RPE: variants seen among roughly 807,000 people sequenced by gnomAD.
RPE encodes the protein ribulose-phosphate 3-epimerase.
In RPE, 16 loss-of-function variants were observed where a neutral mutation model predicts 24.6. That is an observed-to-expected ratio of 0.65 (90% CI 0.44 to 0.99). The LOEUF is 0.99. Among genes scored for constraint, RPE ranks in the 50% least tolerant of loss-of-function variants. The pLI is 0.00. For synonymous variants in RPE, 93 were observed against 98.4 expected, an observed-to-expected ratio of 0.94 and a Z score of 0.33; for missense variants, 240 against 294.5, an observed-to-expected ratio of 0.81 and a Z score of 1.35.
At chr2:210,015,112 G>A (rs1009459346) in intron 2 of RPE, among the ~76,000 whole-genome samples, 1 of 152,054 alleles carries the variant, frequency 6.6e-6, no homozygotes, top group Non-Finnish European at 1.5e-5. Flanking sequence ...TGGCAGTTCC[G>A]TTCTTCTAGT....
At chr2:210,009,625 C>A (rs1199204413) in intron 1 of RPE, 32 bp from the exon 2 acceptor site, 2 of 1,613,560 alleles carry the variant, frequency 1.2e-6, no homozygotes, top group East Asian at 4.5e-5. Context: ...GAATTGAAAA[C>A]ATTTTCAGAG....
intron 2 of RPE, among the ~76,000 whole-genome samples, chr2:210,011,831 A>ATTTTTTTTT (rs56083964): frequency 1.6e-4 from 17 of 106,680 alleles, no homozygotes; most frequent in African/African-American, 2.5e-4. Flanking sequence ...ACAACCGGCT[A>ATTTTTTTTT]TTTTTTTTTT....
chr2:210,018,589 G>GTAAA (rs2093811929), intron 5 of RPE: 1 of 985,072 alleles, frequency 1.0e-6, no homozygotes. Context: ...CTTGACAGTA[G>GTAAA]TAAATACTTA....
chr2:210,016,470 T>C, intron 3 of RPE, 37 bp from the exon 4 acceptor site: 1 of 1,613,784 alleles, frequency 6.2e-7, no homozygotes, highest in Admixed American at 1.7e-5. Context: ...ACAGAAGTAA[T>C]TGTAAATGTG....
At chr2:210,015,241 C>T (rs2093754310) in intron 2 of RPE, among the ~76,000 whole-genome samples, 2 of 152,198 alleles carry the variant, frequency 1.3e-5, no homozygotes, top group African/African-American at 4.8e-5. Flanking sequence ...TATTTAAGAA[C>T]ATATCCATCC....
intron 2 of RPE, 66 bp downstream of exon 2, chr2:210,009,802 A>AT (rs368852541): frequency 9.4e-6 from 15 of 1,602,676 alleles, no homozygotes; most frequent in Non-Finnish European, 1.3e-5. Flanking sequence ...TGGATGGTTG[A>AT]TTTTAACTTC....
At position 210,020,634 on chromosome 2, in the gene RPE, C is replaced by G. The variant is rs914434953; in HGVS notation, c.*843C>G. ...TTCTGTTGAGAATTAAGAGCTAACA[C>G]TATATATGTAAAGTTTCCAGTACTA... is the stretch of plus-strand genomic sequence containing the variant. On this transcript the variant is annotated 3_prime_UTR_variant, in exon 6 of 6. Coordinates refer to ENST00000359429, the MANE Select transcript of RPE (RefSeq NM_199229.3). 6 of 166,736 alleles carry G rather than the reference C, an allele frequency of 3.6e-5. No homozygotes were observed. The highest frequency in any genetic ancestry group is 1.4e-4 in the African/African-American group (6 of 41,434). The allele number at this position is 166,736 out of a possible 1,614,324, so 10.3% of individuals were successfully genotyped here.
chr2:210,006,180 CTG>C (rs1382194923), intron 1 of RPE, among the ~76,000 whole-genome samples: 1 of 152,192 alleles, frequency 6.6e-6, no homozygotes, highest in East Asian at 1.9e-4. Flanking sequence ...AAGTTTCTCT[CTG>C]TTAAGTGAAA....
chr2:210,018,657 AT>A, intron 5 of RPE: 1 of 985,304 alleles, frequency 1.0e-6, no homozygotes, highest in South Asian at 4.7e-5. Context: ...CGCTTGTGGA[AT>A]TGCTTTGTAC....
intron 1 of RPE, among the ~76,000 whole-genome samples, chr2:210,007,882 A>G (rs2093650774): frequency 6.6e-6 from 1 of 152,226 alleles, no homozygotes. Flanking sequence ...TGTGAGTGTT[A>G]TTCCATTCTG....
intron 1 of RPE, among the ~76,000 whole-genome samples, chr2:210,006,666 A>C (rs900711178): frequency 6.6e-6 from 1 of 152,236 alleles, no homozygotes; most frequent in African/African-American, 2.4e-5. Context: ...CCCAGACTAC[A>C]CAGCAAATTA....
At chr2:210,012,992 C>G (rs1196423031) in intron 2 of RPE, among the ~76,000 whole-genome samples, 1 of 152,180 alleles carries the variant, frequency 6.6e-6, no homozygotes, top group African/African-American at 2.4e-5. Context: ...ATGAAAAGCT[C>G]ATTGATAGGG....
rs763950562 is a variant in RPE, at chr2:210,016,599, G to C, written c.435G>C (p.Pro145=). 3 of 1,614,234 alleles carry C rather than the reference G, an allele frequency of 1.9e-6. No homozygotes were observed. Among genetic ancestry groups the C allele is most frequent in the Non-Finnish European group, 2.5e-6 (3 of 1,180,046 alleles). The change falls in exon 4 of 6, where the codon CCG becomes CCC. Residue 145 remains proline, a synonymous_variant. Transcript: ENST00000359429. ...IDMALVMTVE[P]GFGGQKFMED... ...TGGCCTTGGTTATGACAGTGGAACC[G>C]GGGTTTGGAGGGCAGAAATTCATGG...
chr2:210,009,563 G>C, intron 1 of RPE, 94 bp from the exon 2 acceptor site: 1 of 1,495,612 alleles, frequency 6.7e-7, no homozygotes, highest in Non-Finnish European at 9.3e-7. Context: ...AAACATTGCA[G>C]ACAATCCCCT....
chr2:210,016,849 T>C (rs550481486), intron 4 of RPE, among the ~76,000 whole-genome samples: 1 of 152,286 alleles, frequency 6.6e-6, no homozygotes, highest in African/African-American at 2.4e-5. Context: ...ATCTTGAAAT[T>C]TTCTCTTTCT....
At chr2:210,016,133 T>C in intron 3 of RPE, 21 bp downstream of exon 3, 2 of 1,614,016 alleles carry the variant, frequency 1.2e-6, no homozygotes, top group Non-Finnish European at 1.7e-6. Flanking sequence ...GTGATGAGAG[T>C]GTTTTGTAAC....
intron 5 of RPE, chr2:210,018,639 C>T (rs1014082530): frequency 1.0e-6 from 1 of 985,274 alleles, no homozygotes; most frequent in East Asian, 1.1e-4. Context: ...AGCTCATATC[C>T]TTTTGATCGC....
Position 210,022,215 on chromosome 2 carries a change from C to T in RPE, c.*2424C>T, listed in dbSNP as rs2093869911. On this transcript the variant is annotated 3_prime_UTR_variant, in exon 6 of 6. Coordinates refer to ENST00000359429, the MANE Select transcript of RPE (RefSeq NM_199229.3). ...ACAGAAAGTAGCCTGTGTTTAGTCC[C>T]AAAGATAGCAGTGATTTTGAATAAA... The T allele has an allele frequency of 6.6e-6, 1 of 151,744 alleles. No homozygotes were observed. The highest frequency in any genetic ancestry group is 2.1e-4 in the South Asian group (1 of 4,816). The allele number at this position is 151,744 out of a possible 1,614,324, so 9.4% of individuals were successfully genotyped here. A position where few individuals can be genotyped will look rare whatever the true frequency, so the allele number is the denominator to read the frequency against.
chr2:210,012,546 T>C (rs1346987722), intron 2 of RPE, among the ~76,000 whole-genome samples: 1 of 152,236 alleles, frequency 6.6e-6, no homozygotes, highest in Admixed American at 6.5e-5. Flanking sequence ...TACTGGAACA[T>C]AATGGTTTTC....
Sources: gnomAD v4.1 joint callset for allele counts (sites outside exome capture counted in the v4.1 genomes callset) on GRCh38, gnomAD v4.1.1 for gene constraint, MANE v1.5 for transcripts, NCBI Gene and HGNC (gene_info 2026-07-23, HGNC 2026-07-21) for gene names.